MACROD2: variants seen among roughly 807,000 people sequenced by gnomAD.
MACROD2 encodes the protein mono-ADP ribosylhydrolase 2, also known as ADP-ribose glycohydrolase MACROD2.
In MACROD2, 36 loss-of-function variants were observed where a neutral mutation model predicts 70.4. That is an observed-to-expected ratio of 0.51 (90% CI 0.39 to 0.68). The LOEUF (loss-of-function observed/expected upper bound fraction) is 0.68. Ranked by LOEUF, MACROD2 falls within the 30% of genes least tolerant of loss-of-function variation. The pLI, the probability that MACROD2 is intolerant of heterozygous loss-of-function variation, is 0.00. For missense variants in MACROD2, 496 were observed against 538.4 expected (o/e 0.92, Z 0.78); for synonymous variants, 172 against 178.8 (o/e 0.96, Z 0.30).
intron 3 of MACROD2, among the ~76,000 whole-genome samples, chr20:14,460,531 G>A (rs1339326424): frequency 1.3e-5 from 2 of 152,060 alleles, no homozygotes; most frequent in Non-Finnish European, 2.9e-5. Context: ...CTTCTTTTGA[G>A]AAGTGTCAGT....
At chr20:15,911,760 G>A (rs2065240945) in intron 10 of MACROD2, among the ~76,000 whole-genome samples, 1 of 152,218 alleles carries the variant, frequency 6.6e-6, no homozygotes, top group Non-Finnish European at 1.5e-5. Flanking sequence ...AAACAGACAT[G>A]TGGAAAAGGA....
chr20:15,710,182 T>C (rs1241249365), intron 8 of MACROD2, among the ~76,000 whole-genome samples: 2 of 124,090 alleles, frequency 1.6e-5, no homozygotes, highest in Non-Finnish European at 3.3e-5. Flanking sequence ...AGAATGGCTA[T>C]TATCAAAAAG....
chr20:15,773,644 G>A (rs1177894468), intron 8 of MACROD2, among the ~76,000 whole-genome samples: 3 of 152,108 alleles, frequency 2.0e-5, no homozygotes, highest in South Asian at 4.1e-4. Context: ...TCAGTCACAG[G>A]TTGATAACCT....
At chr20:15,546,473 C>A (rs1445116051) in intron 8 of MACROD2, among the ~76,000 whole-genome samples, 2 of 152,146 alleles carry the variant, frequency 1.3e-5, no homozygotes, top group Non-Finnish European at 2.9e-5. Context: ...AGCTTGATTT[C>A]AAGATATCTC....
chr20:15,361,676 T>C (rs147750019), intron 6 of MACROD2, among the ~76,000 whole-genome samples: 9 of 152,332 alleles, frequency 5.9e-5, no homozygotes, highest in Admixed American at 3.9e-4. Flanking sequence ...TGTCGATTCT[T>C]TTAATCTATG....
At chr20:14,082,190 T>C (rs1194670130) in intron 2 of MACROD2, among the ~76,000 whole-genome samples, 2 of 136,940 alleles carry the variant, frequency 1.5e-5, no homozygotes, top group Non-Finnish European at 3.1e-5. Context: ...TTTTTTTTTT[T>C]TTTTTTGAGA....
chr20:14,154,552 ATTTTTT>A (rs869299523), intron 3 of MACROD2, among the ~76,000 whole-genome samples: 1 of 106,650 alleles, frequency 9.4e-6, no homozygotes, highest in Admixed American at 1.0e-4. Context: ...CGCCCGGCTA[ATTTTTT>A]TTTTTTTTTT....
chr20:15,151,154 AG>A (rs1241765463), intron 5 of MACROD2, among the ~76,000 whole-genome samples: 3 of 152,160 alleles, frequency 2.0e-5, no homozygotes, highest in South Asian at 2.1e-4. Context: ...CCAGAGTTCC[AG>A]GGGGCTCTGG....
At chr20:15,343,421 A>G (rs1489050924) in intron 6 of MACROD2, among the ~76,000 whole-genome samples, 2 of 152,336 alleles carry the variant, frequency 1.3e-5, no homozygotes, top group East Asian at 3.9e-4. Context: ...GCCAGATATA[A>G]GTAAGGCAGT....
chr20:14,980,879 T>A (rs1375609022), intron 5 of MACROD2, among the ~76,000 whole-genome samples: 1 of 152,182 alleles, frequency 6.6e-6, no homozygotes, highest in East Asian at 1.9e-4. Context: ...ATTCACTTTT[T>A]CCTTGCTGCC....
intron 7 of MACROD2, among the ~76,000 whole-genome samples, chr20:15,482,417 C>A (rs540738970): frequency 6.6e-6 from 1 of 152,024 alleles, no homozygotes; most frequent in South Asian, 2.1e-4. Flanking sequence ...TGGCCAAAAT[C>A]CAAAACACGG....
At chr20:14,413,681 C>T (rs575798328) in intron 3 of MACROD2, among the ~76,000 whole-genome samples, 7 of 152,228 alleles carry the variant, frequency 4.6e-5, no homozygotes, top group South Asian at 2.1e-4. Flanking sequence ...TTTGCTGGAA[C>T]GAAATTGCTA....
At chr20:14,301,115 G>A (rs1019144798) in intron 3 of MACROD2, among the ~76,000 whole-genome samples, 1 of 152,090 alleles carries the variant, frequency 6.6e-6, no homozygotes, top group South Asian at 2.1e-4. Context: ...GAAGCACAGA[G>A]CAGTTCCTAA....
At position 14,365,759 on chromosome 20, in the gene MACROD2, C is replaced by T. The variant is rs559785109; in HGVS notation, c.272-127720C>T. On this transcript the variant is annotated intron_variant, in intron 3 of 17. Transcript: ENST00000684519. ...TACAGATTTTGTAACTATTAATTTC[C>T]CTCTGAGCACTGCTTTTGCTGTATC... Among the ~76,000 whole-genome samples, 22 of 152,066 alleles carry T rather than the reference C, an allele frequency of 1.4e-4. No individual in the cohort carries two copies. The South Asian group carries it at 4.4e-3, about 30-fold the overall frequency.
intron 5 of MACROD2, among the ~76,000 whole-genome samples, chr20:14,758,903 C>T (rs1047290512): frequency 1.3e-5 from 2 of 151,966 alleles, no homozygotes; most frequent in Non-Finnish European, 2.9e-5. Context: ...ACTCTAAGAA[C>T]CAAATATGGG....
At chr20:14,156,360 G>T (rs1357078808) in intron 3 of MACROD2, among the ~76,000 whole-genome samples, 1 of 152,064 alleles carries the variant, frequency 6.6e-6, no homozygotes, top group Non-Finnish European at 1.5e-5. Context: ...GCCTTTTCAG[G>T]AACTATTTGC....
intron 10 of MACROD2, among the ~76,000 whole-genome samples, chr20:15,897,248 C>T (rs2064986586): frequency 6.6e-6 from 1 of 152,026 alleles, no homozygotes; most frequent in Non-Finnish European, 1.5e-5. Context: ...TGAAGTTTTC[C>T]TGTAGTTGTT....
intron 8 of MACROD2, among the ~76,000 whole-genome samples, chr20:15,585,837 C>T (rs923345998): frequency 2.6e-5 from 4 of 152,022 alleles, no homozygotes; most frequent in African/African-American, 9.7e-5. Context: ...ATTTGTATCT[C>T]AGGGTGTGCT....
chr20:15,463,945 A>G (rs917548124), intron 7 of MACROD2, among the ~76,000 whole-genome samples: 2 of 152,220 alleles, frequency 1.3e-5, no homozygotes, highest in African/African-American at 2.4e-5. Context: ...TGATTGAAGT[A>G]TCCTAGTCCC....
Sources: gnomAD v4.1 joint callset for allele counts (sites outside exome capture counted in the v4.1 genomes callset) on GRCh38, gnomAD v4.1.1 for gene constraint, MANE v1.5 for transcripts, NCBI Gene and HGNC (gene_info 2026-07-23, HGNC 2026-07-21) for gene names.